The following CLCC1 variants were observed in gnomAD, a reference collection of about 807,000 sequenced individuals.
CLCC1 encodes chloride channel CLIC-like protein 1.
In CLCC1, 39 loss-of-function variants were observed where a neutral mutation model predicts 63.3. That is an observed-to-expected ratio of 0.62 (90% confidence interval 0.48 to 0.81). The LOEUF (loss-of-function observed/expected upper bound fraction) is 0.81. Ranked by LOEUF, CLCC1 falls within the 30% of genes least tolerant of loss-of-function variation. The probability of loss-of-function intolerance (pLI) is 0.00; values close to 1 mark genes in which losing one functional copy is unlikely to be tolerated. For missense variants in CLCC1, 549 were observed against 669.4 expected, an observed-to-expected ratio of 0.82 and a Z score of 1.98; for synonymous variants, 217 against 239.8, an observed-to-expected ratio of 0.90 and a Z score of 0.88.
In CLCC1 at chr1:108,941,468, C is replaced by T. The variant is rs370447874; in HGVS notation, c.733G>A (p.Ala245Thr). Residue 245 changes from alanine to threonine, a missense_variant, in exon 8 of 13, where the codon GCC becomes ACC. Transcript: ENST00000369969. Reference sequence around the variant, plus strand: ...ACATTGTTTAATGGCTCCATCTTGGCGACTTCAGCCTGATGCTGTGCAAAA... The same window carrying T: ...ACATTGTTTAATGGCTCCATCTTGGTGACTTCAGCCTGATGCTGTGCAAAA... The part of the protein sequence containing the change: ...LAFAQHQAEV[A>T]KMEPLNNVCA... The T allele has an allele frequency of 7.6e-5, 123 of 1,613,936 alleles. No homozygotes were observed. Among genetic ancestry groups the T allele is most frequent in the Middle Eastern group, 1.6e-4 (1 of 6,084 alleles).
chr1:108,939,823 A>T (rs1231616886), intron 9 of CLCC1, 41 bp from the exon 10 acceptor site: 4 of 1,597,788 alleles, frequency 2.5e-6, no homozygotes, highest in Non-Finnish European at 3.4e-6. Flanking sequence ...TCCTCACAGG[A>T]CTAAGGTACA....
At chr1:108,959,592 T>C (rs1408456156) in intron 2 of CLCC1, among the ~76,000 whole-genome samples, 1 of 152,248 alleles carries the variant, frequency 6.6e-6, no homozygotes, top group Admixed American at 6.5e-5. Context: ...TGTGCCTAAC[T>C]GATAAATTAA....
chr1:108,931,610 T>G lies in CLCC1; in HGVS notation c.*937A>C. 1 of 1,265,644 alleles carries G rather than the reference T, an allele frequency of 7.9e-7. No homozygotes were observed. Among genetic ancestry groups the G allele is most frequent in the East Asian group, 2.7e-5 (1 of 36,970 alleles). The allele number at this position is 1,265,644 out of a possible 1,614,324, so 78.4% of individuals were successfully genotyped here. A position where few individuals can be genotyped will look rare whatever the true frequency, so the allele number is the denominator to read the frequency against. On this transcript the variant is annotated 3_prime_UTR_variant, in exon 13 of 13. Transcript: ENST00000369969. ...TTTAAGAGTCATAACCTGGAATTAATTACATTAAGTGCTCAGCTAAAAAAA... is the reference window on the plus strand; with the variant it reads ...TTTAAGAGTCATAACCTGGAATTAAGTACATTAAGTGCTCAGCTAAAAAAA...
In CLCC1 at chr1:108,929,551, A is replaced by T; in HGVS notation, c.*2996T>A. 1 of 711,642 alleles carries T rather than the reference A, an allele frequency of 1.4e-6. No homozygotes were observed. Among genetic ancestry groups the T allele is most frequent in the Non-Finnish European group, 2.4e-6 (1 of 411,584 alleles). The allele number at this position is 711,642 out of a possible 1,614,324, so 44.1% of individuals were successfully genotyped here. On this transcript the variant is annotated 3_prime_UTR_variant, in exon 13 of 13. Transcript: ENST00000369969. ...CTTTCAGAAATCAGGCTGGGAACTA[A>T]AGAGAACAATATAAAAACAAAGATT...
In CLCC1 at chr1:108,934,928, A is replaced by G; in HGVS notation, c.1398T>C (p.Val466=). Residue 466 remains valine (V), a synonymous_variant, in exon 12 of 13, where the codon GTT becomes GTC. Transcript: ENST00000369969. ...PTVVPSHKSP[V]LDTKPKETGG... ...CTGTCTCCTTGGGCTTTGTATCCAA[A>G]ACAGGTGATTTATGCTATAAAGTAC... 1 of 1,610,708 alleles carries G rather than the reference A, an allele frequency of 6.2e-7. No homozygotes were observed. Among genetic ancestry groups the G allele is most frequent in the Non-Finnish European group, 8.5e-7 (1 of 1,177,720 alleles).
chr1:108,930,233 G>T lies in CLCC1; in HGVS notation c.*2314C>A. 1 of 307,582 alleles carries T rather than the reference G, an allele frequency of 3.3e-6. No homozygotes were observed. Among genetic ancestry groups the T allele is most frequent in the Non-Finnish European group, 6.0e-6 (1 of 167,204 alleles). 19.1% of individuals were successfully genotyped at this position (307,582 alleles called of 1,614,324 possible). ...GTGTTTATAAAGTAGGAAGTTAAGT[G>T]AATCATAGATTAGAATTTAATACTC... On this transcript the variant is annotated 3_prime_UTR_variant, in exon 13 of 13. Coordinates refer to ENST00000369969, the MANE Select transcript of CLCC1 (RefSeq NM_001377458.1).
chr1:108,934,973 TTAATG>T, intron 11 of CLCC1, 31 bp from the exon 12 acceptor site: 1 of 1,556,626 alleles, frequency 6.4e-7, no homozygotes, highest in Non-Finnish European at 8.7e-7. Context: ...TTTTAACTGT[TTAATG>T]TAATGTGAAG....
At chr1:108,959,967 A>C (rs1656410274) in intron 2 of CLCC1, among the ~76,000 whole-genome samples, 1 of 152,172 alleles carries the variant, frequency 6.6e-6, no homozygotes, top group Non-Finnish European at 1.5e-5. Context: ...CCATCTCTAC[A>C]AAACTTGAAA....
rs368958725 is a variant in CLCC1 at position 108,937,093 on chromosome 1, G to A, written c.1367C>T (p.Pro456Leu). 1.3e-6 allele frequency: 2 copies of A among 1,511,360 alleles called. No homozygotes were observed. The highest frequency in any genetic ancestry group is 2.8e-5 in the African/African-American group (2 of 71,378). 93.6% of individuals were successfully genotyped at this position (1,511,360 alleles called of 1,614,324 possible). Reference sequence around the variant, plus strand: ...CTGACTTACACTGGGTACCACCGTGGGATGCTCTCGTGCCTCTGCGTCTGG... The same window carrying A: ...CTGACTTACACTGGGTACCACCGTGAGATGCTCTCGTGCCTCTGCGTCTGG... ...DVPDAEAREH[P>L]TVVPSHKSPV... The change falls in exon 11 of 13, where the codon CCC becomes CTC. Residue 456 changes from proline to leucine, a missense_variant. Coordinates refer to ENST00000369969, the MANE Select transcript of CLCC1 (RefSeq NM_001377458.1).
rs115971283 is a variant in CLCC1, at chr1:108,931,674, T to G, written c.*873A>C. 47 of 782,184 alleles carry G rather than the reference T, an allele frequency of 6.0e-5. No homozygotes were observed. The highest frequency in any genetic ancestry group is 8.6e-5 in the Non-Finnish European group (46 of 533,270). The allele number at this position is 782,184 out of a possible 1,614,324, so 48.5% of individuals were successfully genotyped here. A position where few individuals can be genotyped will look rare whatever the true frequency, so the allele number is the denominator to read the frequency against. On this transcript the variant is annotated 3_prime_UTR_variant, in exon 13 of 13. Transcript: ENST00000369969. ...AAATTACAACCTGGATTACATTATGTTTCATGTATACTATAAGGTATGATG... is the reference window on the plus strand; with the variant it reads ...AAATTACAACCTGGATTACATTATGGTTCATGTATACTATAAGGTATGATG...
chr1:108,957,393 G>A (rs2101718596), intron 2 of CLCC1, among the ~76,000 whole-genome samples: 1 of 151,532 alleles, frequency 6.6e-6, no homozygotes, highest in East Asian at 1.9e-4. Flanking sequence ...GGAATTCCCA[G>A]GACACTGAGC....
Position 108,943,625 on chromosome 1 carries a change from G to C in CLCC1, c.562-10C>G. On this transcript the variant is annotated splice_polypyrimidine_tract_variant and intron_variant, in intron 6 of 12. Coordinates refer to ENST00000369969, the MANE Select transcript of CLCC1 (RefSeq NM_001377458.1). ...GCAGACAAAGAAGTACCTTAAAACA[G>C]AGAGAAGCAGAAATCAGCCACCAAA... 6.2e-7 allele frequency: 1 copy of C among 1,612,748 alleles called. No homozygotes were observed. The highest frequency in any genetic ancestry group is 8.5e-7 in the Non-Finnish European group (1 of 1,179,780).
intron 5 of CLCC1, among the ~76,000 whole-genome samples, chr1:108,944,820 G>A (rs1228962754): frequency 2.6e-5 from 4 of 152,118 alleles, no homozygotes; most frequent in African/African-American, 4.8e-5. Context: ...TAGTAGAGAC[G>A]GGGTTTCACC....
chr1:108,934,785 T>C lies in CLCC1; in HGVS notation c.1541A>G (p.Lys514Arg). Residue 514 changes from lysine (K) to arginine (R), a missense_variant, in exon 12 of 13, where the codon AAG (lysine) becomes AGG (arginine). Transcript: ENST00000369969. ...TGCGGCTTCAGACTTGAGCTGGGCC[T>C]TTTCCGCTGCGGGTGAACCTTCTGT... ...GNTEGSPAAE[K>R]AQLKSEAAGS... The C allele has an allele frequency of 6.2e-7, 1 of 1,614,146 alleles. No homozygotes were observed.
chr1:108,958,657 T>C (rs1308231157), intron 2 of CLCC1, among the ~76,000 whole-genome samples: 1 of 143,252 alleles, frequency 7.0e-6, no homozygotes, highest in Non-Finnish European at 1.5e-5. Flanking sequence ...AGCAGGCGGA[T>C]CACTTGAGCC....
chr1:108,948,988 C>T (rs1457618555), intron 4 of CLCC1, among the ~76,000 whole-genome samples: 1 of 152,188 alleles, frequency 6.6e-6, no homozygotes, highest in African/African-American at 2.4e-5. Context: ...ATCTGGATCT[C>T]AGTGAACAAA....
intron 2 of CLCC1, among the ~76,000 whole-genome samples, chr1:108,958,035 A>G (rs1361888487): frequency 6.6e-6 from 1 of 151,390 alleles, no homozygotes; most frequent in Non-Finnish European, 1.5e-5. Flanking sequence ...AAGTGAAGAA[A>G]GGAGAGAGCA....
intron 2 of CLCC1, among the ~76,000 whole-genome samples, chr1:108,956,881 C>CTGGG (rs747975035): frequency 0.41 from 39,955 of 97,704 alleles, 7,158 homozygotes; most frequent in Admixed American, 0.46. Flanking sequence ...AGCTGGGAGG[C>CTGGG]AGGGAGGCGG....
In CLCC1 at chr1:108,930,086, A is replaced by G. The variant is rs1257855908; in HGVS notation, c.*2461T>C. On this transcript the variant is annotated 3_prime_UTR_variant, in exon 13 of 13. Coordinates refer to ENST00000369969, the MANE Select transcript of CLCC1 (RefSeq NM_001377458.1). The stretch of plus-strand genomic sequence containing the variant: ...AATAGTTAACCTTCAGTAGTCTATT[A>G]AGGCATTAATACTTCTCTGGACATG... 5.2e-6 allele frequency: 4 copies of G among 766,566 alleles called. No individual in the cohort carries two copies. In the African/African-American group the frequency reaches 5.2e-5, roughly 10 times the overall value. 47.5% of individuals were successfully genotyped at this position (766,566 alleles called of 1,614,324 possible).
Sources: allele counts gnomAD v4.1 joint callset (sites outside exome capture counted in the v4.1 genomes callset), GRCh38; gene constraint gnomAD v4.1.1; transcripts MANE v1.5; gene names NCBI Gene and HGNC (gene_info 2026-07-23, HGNC 2026-07-21).